BAIAP2L1: variants seen among roughly 807,000 people sequenced by gnomAD.
BAIAP2L1 encodes BAR/IMD domain containing adaptor protein 2 like 1, also known as BAR/IMD domain-containing adapter protein 2-like 1.
A neutral mutation model predicts 66.3 loss-of-function variants in BAIAP2L1; 35 were observed. That is an observed-to-expected ratio of 0.53 (90% CI 0.40 to 0.70). The LOEUF (loss-of-function observed/expected upper bound fraction) is 0.70, where lower values mean the gene tolerates loss of function less well. Ranked by LOEUF, BAIAP2L1 falls within the 30% of genes least tolerant of loss-of-function variation. The pLI is 0.00. For synonymous variants in BAIAP2L1, 269 were observed against 248.7 expected, an observed-to-expected ratio of 1.08 and a Z score of -0.77; for missense variants, 622 against 656.9, an observed-to-expected ratio of 0.95 and a Z score of 0.58.
At chr7:98,321,339 T>G (rs1801239156) in intron 3 of BAIAP2L1, among the ~76,000 whole-genome samples, 1 of 152,210 alleles carries the variant, frequency 6.6e-6, no homozygotes, top group Non-Finnish European at 1.5e-5. Context: ...GCACGAGAGA[T>G]AAAGGCTATT....
intron 13 of BAIAP2L1, 57 bp downstream of exon 13, chr7:98,294,017 A>G: frequency 6.3e-7 from 1 of 1,577,022 alleles, no homozygotes; most frequent in Non-Finnish European, 8.7e-7. Flanking sequence ...CTTCCGGGGG[A>G]CACTACAGGG....
intron 1 of BAIAP2L1, among the ~76,000 whole-genome samples, chr7:98,382,113 G>A (rs866739088): frequency 6.6e-6 from 1 of 151,878 alleles, no homozygotes; most frequent in African/African-American, 2.4e-5. Flanking sequence ...CAGTAGAGAG[G>A]GAGTTTCACC....
intron 1 of BAIAP2L1, among the ~76,000 whole-genome samples, chr7:98,393,180 T>TATGTGTAC (rs1390128109): frequency 1.9e-4 from 14 of 75,250 alleles, no homozygotes; most frequent in Middle Eastern, 9.8e-3. Context: ...TATATATACA[T>TATGTGTAC]ATATGTGTGT....
intron 3 of BAIAP2L1, among the ~76,000 whole-genome samples, chr7:98,327,673 C>CA (rs564225728): frequency 5.0e-3 from 730 of 146,300 alleles, no homozygotes; most frequent in South Asian, 7.8e-3. Flanking sequence ...AACTCTGTCT[C>CA]AAAAAAAAAA....
At chr7:98,306,598 A>C in intron 10 of BAIAP2L1, 82 bp from the exon 11 acceptor site, 30 of 1,591,430 alleles carry the variant, frequency 1.9e-5, no homozygotes, top group Non-Finnish European at 2.4e-5. Flanking sequence ...GTGAGAGCTC[A>C]GGGCAGACAG....
chr7:98,391,295 A>G (rs1803038121), intron 1 of BAIAP2L1, among the ~76,000 whole-genome samples: 1 of 151,862 alleles, frequency 6.6e-6, no homozygotes, highest in African/African-American at 2.4e-5. Context: ...TTCTGGTAAT[A>G]TTTTTTCTTC....
At chr7:98,341,856 T>C (rs1299296993) in intron 3 of BAIAP2L1, among the ~76,000 whole-genome samples, 1 of 152,144 alleles carries the variant, frequency 6.6e-6, no homozygotes, top group Non-Finnish European at 1.5e-5. Flanking sequence ...AGAATTTTAA[T>C]CTCTTTAAAG....
rs1171832329 is a variant in BAIAP2L1 at position 98,356,994 on chromosome 7, C to CAAAAAAAAAA, written c.128-1876_128-1867dup. Among the ~76,000 whole-genome samples the CAAAAAAAAAA allele has an allele frequency of 9.5e-3, 23 of 2,426 alleles. 7 individuals are homozygous for CAAAAAAAAAA. The highest frequency in any genetic ancestry group is 0.016 in the East Asian group (1 of 64). 1.6% of individuals were successfully genotyped at this position (2,426 alleles called of 152,430 possible). On this transcript the variant is annotated intron_variant, in intron 2 of 13. Coordinates refer to ENST00000005260, the MANE Select transcript of BAIAP2L1 (RefSeq NM_018842.5). ...GTGGGCAAGAGTGAGGCCCCTGTCTCAAAAAAAAAAAAAAAAAAAAAAAAA... is the reference window on the plus strand; with the variant it reads ...GTGGGCAAGAGTGAGGCCCCTGTCTCAAAAAAAAAAAAAAAAAAAAAAAAAAAAAAAAAAA...
chr7:98,354,948 T>C, intron 3 of BAIAP2L1, 94 bp downstream of exon 3: 1 of 889,488 alleles, frequency 1.1e-6, no homozygotes, highest in Non-Finnish European at 1.9e-6. Context: ...GGCCCAGATC[T>C]CTCCTCTGTT....
rs569986909 is a variant in BAIAP2L1, at chr7:98,316,408, CCTT to C, written c.487-799_487-797del. ...ATAGTAACACTGATCATGGAGAGTC[CCTT>C]CTTCTTTCAGAGCCAGGATAAAAAG... On this transcript the variant is annotated intron_variant, in intron 6 of 13. Transcript: ENST00000005260. Among the ~76,000 whole-genome samples, 35 of 152,222 alleles carry C rather than the reference CCTT, an allele frequency of 2.3e-4. 1 individual carries two copies. In the South Asian group the frequency reaches 6.4e-3, roughly 28 times the overall value.
At chr7:98,345,198 A>G (rs778064956) in intron 3 of BAIAP2L1, among the ~76,000 whole-genome samples, 4 of 152,346 alleles carry the variant, frequency 2.6e-5, no homozygotes, top group East Asian at 3.9e-4. Flanking sequence ...GAAGAGAACA[A>G]TAAGAGGACT....
intron 10 of BAIAP2L1, 183 bp downstream of exon 10, chr7:98,307,506 C>T (rs1426766273): frequency 6.9e-7 from 1 of 1,440,418 alleles, no homozygotes; most frequent in Non-Finnish European, 9.1e-7. Context: ...TGTATCTCTA[C>T]ATGCACAGAC....
Position 98,387,861 on chromosome 7 carries a change from C to A in BAIAP2L1, c.51+12941G>T, listed in dbSNP as rs978439351. Among the ~76,000 whole-genome samples, 3 of 150,026 alleles carry A rather than the reference C, an allele frequency of 2.0e-5. No individual in the cohort carries two copies. The Admixed American group carries it at 2.0e-4, about 10-fold the overall frequency. ...CCAGCCTGGGCGACAGAGTTAAGAC[C>A]CTGTCTCAAAACAAAACAAAACAAC... is the stretch of plus-strand genomic sequence containing the variant. On this transcript the variant is annotated intron_variant, in intron 1 of 13. Coordinates refer to ENST00000005260, the MANE Select transcript of BAIAP2L1 (RefSeq NM_018842.5).
intron 1 of BAIAP2L1, among the ~76,000 whole-genome samples, chr7:98,398,297 G>C (rs949012029): frequency 6.6e-5 from 10 of 151,974 alleles, no homozygotes; most frequent in Admixed American, 4.6e-4. Flanking sequence ...GAACATCATG[G>C]GGCAGGGCTG....
chr7:98,374,457 C>T (rs1230694813), intron 1 of BAIAP2L1, among the ~76,000 whole-genome samples: 1 of 152,132 alleles, frequency 6.6e-6, no homozygotes, highest in Non-Finnish European at 1.5e-5. Flanking sequence ...GTCCTACCAG[C>T]AGCGAGAGGT....
chr7:98,378,891 C>A lies in BAIAP2L1; in HGVS notation c.52-16459G>T, dbSNP rs551301747. Among the ~76,000 whole-genome samples, 78 of 152,078 alleles carry A rather than the reference C, an allele frequency of 5.1e-4. No individual in the cohort carries two copies. The South Asian group carries it at 0.011, about 22-fold the overall frequency. On this transcript the variant is annotated intron_variant, in intron 1 of 13. Coordinates refer to ENST00000005260, the MANE Select transcript of BAIAP2L1 (RefSeq NM_018842.5). ...TGTTGCTCAGGCTGGTGTACAGTGG[C>A]GTGATCTCGGCTCACTGCAACCTCC...
intron 1 of BAIAP2L1, among the ~76,000 whole-genome samples, chr7:98,375,742 C>CAAAA (rs372282399): frequency 1.2e-4 from 7 of 59,024 alleles, no homozygotes; most frequent in African/African-American, 2.9e-4. Flanking sequence ...AAGTCCATCT[C>CAAAA]AAAAAAAAAA....
At chr7:98,295,566 C>T (rs752825941) in intron 12 of BAIAP2L1, among the ~76,000 whole-genome samples, 4 of 152,118 alleles carry the variant, frequency 2.6e-5, no homozygotes, top group Non-Finnish European at 4.4e-5. Context: ...TGCTGGCATT[C>T]GTGGACTCTG....
chr7:98,389,355 G>A (rs1008584600), intron 1 of BAIAP2L1, among the ~76,000 whole-genome samples: 4 of 152,012 alleles, frequency 2.6e-5, no homozygotes, highest in African/African-American at 9.7e-5. Flanking sequence ...GTCTCACTCT[G>A]TCACCCAGGC....
Sources: gnomAD v4.1 joint callset for allele counts (sites outside exome capture counted in the v4.1 genomes callset) on GRCh38, gnomAD v4.1.1 for gene constraint, MANE v1.5 for transcripts, NCBI Gene and HGNC (gene_info 2026-07-23, HGNC 2026-07-21) for gene names.